LAMA3: variants seen among roughly 807,000 people sequenced by gnomAD.
The protein encoded by LAMA3 is laminin subunit alpha-3.
A neutral mutation model predicts 402.0 loss-of-function variants in LAMA3; 281 were observed. The ratio of observed to expected loss-of-function variants is 0.70; its 90% CI spans 0.63 to 0.77. LAMA3 has a LOEUF of 0.77. Among genes scored for constraint, LAMA3 ranks in the 30% least tolerant of loss-of-function variants. The pLI is 0.00. For synonymous variants in LAMA3, 1,431 were observed against 1,558.4 expected (o/e 0.92, Z 1.93); for missense variants, 3,840 against 4,215.5 (o/e 0.91, Z 2.47).
chr18:23,844,998 AT>A lies in LAMA3; in HGVS notation c.3604-8del. 1 of 1,447,834 alleles carries A rather than the reference AT, an allele frequency of 6.9e-7. No individual in the cohort carries two copies. Among genetic ancestry groups the A allele is most frequent in the Non-Finnish European group, 9.7e-7 (1 of 1,028,696 alleles). The allele number at this position is 1,447,834 out of a possible 1,614,324, so 89.7% of individuals were successfully genotyped here. On this transcript the variant is annotated splice_polypyrimidine_tract_variant and intron_variant, in intron 29 of 74. Coordinates refer to ENST00000313654, the MANE Select transcript of LAMA3 (RefSeq NM_198129.4). ...TGGAAATTCTAAGACATGCTGGTGG[AT>A]TTCTTTCAGGTCCGTGTTCTAGTGG...
At chr18:23,772,882 T>G (rs2062231976) in intron 8 of LAMA3, among the ~76,000 whole-genome samples, 4 of 152,256 alleles carry the variant, frequency 2.6e-5, no homozygotes, top group Admixed American at 2.6e-4. Flanking sequence ...AATTTAATTA[T>G]GTGGCAATTA....
chr18:23,775,614 G>A (rs1230271975), intron 9 of LAMA3, among the ~76,000 whole-genome samples, 178 bp from the exon 10 acceptor site: 6 of 152,152 alleles, frequency 3.9e-5, no homozygotes, highest in Admixed American at 3.9e-4. Flanking sequence ...GACAGCTCAC[G>A]AGCTTCGGGC....
chr18:23,830,882 C>G (rs990934558), intron 23 of LAMA3, among the ~76,000 whole-genome samples: 1 of 152,150 alleles, frequency 6.6e-6, no homozygotes, highest in African/African-American at 2.4e-5. Context: ...ACCAGCAAGT[C>G]TACCTTCCTT....
At chr18:23,780,978 A>C (rs755390385) in intron 11 of LAMA3, among the ~76,000 whole-genome samples, 1 of 152,352 alleles carries the variant, frequency 6.6e-6, no homozygotes, top group East Asian at 1.9e-4. Context: ...CTCCTTAGGA[A>C]GTTCTCAAAA....
chr18:23,884,458 C>T (rs2065005241), intron 40 of LAMA3, among the ~76,000 whole-genome samples: 1 of 152,104 alleles, frequency 6.6e-6, no homozygotes, highest in African/African-American at 2.4e-5. Flanking sequence ...CTTGTTATTC[C>T]TGGAAAAATG....
In LAMA3 at chr18:23,857,956, T is replaced by C. The variant is rs886178871; in HGVS notation, c.4249T>C (p.Cys1417Arg). The change falls in exon 33 of 75, where the codon TGT becomes CGT. Residue 1417 changes from cysteine (C) to arginine (R), a missense_variant. This residue lies in a region of LAMA3 where 2,109 missense variants were observed against 2,376.0 expected (regional missense o/e 0.89). Transcript: ENST00000313654. ...CAGAGATGGGACTGAGCCAGGAGTG[T>C]GTGACCCAGGGACCGGGGCTTGCCT... ...CNRDGTEPGVCDPGTGACLCK... is the reference protein window; with the variant it reads ...CNRDGTEPGVRDPGTGACLCK... 1 of 1,614,184 alleles carries C rather than the reference T, an allele frequency of 6.2e-7. No homozygotes were observed. The highest frequency in any genetic ancestry group is 8.5e-7 in the Non-Finnish European group (1 of 1,180,018).
intron 5 of LAMA3, among the ~76,000 whole-genome samples, chr18:23,752,626 CT>C (rs1393809244): frequency 6.6e-6 from 1 of 152,086 alleles, no homozygotes; most frequent in African/African-American, 2.4e-5. Context: ...AGGAAAGCCC[CT>C]GAGTGTTAAC....
intron 16 of LAMA3, 66 bp from the exon 17 acceptor site, chr18:23,815,402 C>T: frequency 6.8e-7 from 1 of 1,465,414 alleles, no homozygotes; most frequent in Non-Finnish European, 9.6e-7. Context: ...AGGCAGTTTT[C>T]AATCTTGAAG....
intron 23 of LAMA3, among the ~76,000 whole-genome samples, chr18:23,830,637 A>G (rs2063474161): frequency 6.6e-6 from 1 of 152,184 alleles, no homozygotes; most frequent in Non-Finnish European, 1.5e-5. Context: ...TTAAAAATTA[A>G]CGACAACCTG....
chr18:23,921,205 A>G lies in LAMA3; in HGVS notation c.8043+151A>G, dbSNP rs1458261118. The G allele has an allele frequency of 3.0e-6, 3 of 995,370 alleles. No individual in the cohort carries two copies. In the Admixed American group the frequency reaches 6.7e-5, roughly 22 times the overall value. 61.7% of individuals were successfully genotyped at this position (995,370 alleles called of 1,614,324 possible). ...GGATATATCCTTTTAAAATTTGCACATTTCGGCATGAAATGTATAACATAT... is the reference window on the plus strand; with the variant it reads ...GGATATATCCTTTTAAAATTTGCACGTTTCGGCATGAAATGTATAACATAT... On this transcript the variant is annotated intron_variant, in intron 61 of 74. Transcript: ENST00000313654.
rs536353034 is a variant in LAMA3, at chr18:23,912,611, G to A, written c.7159-100G>A. 13 of 958,860 alleles carry A rather than the reference G, an allele frequency of 1.4e-5. No homozygotes were observed. In the East Asian group the frequency reaches 3.1e-4, roughly 23 times the overall value. 59.4% of individuals were successfully genotyped at this position (958,860 alleles called of 1,614,324 possible). Reference sequence around the variant, plus strand: ...CTTGCTCCTTATCATAACAACTCAGGAAAGGCTGATACATGGCTACGAGTC... The same window carrying A: ...CTTGCTCCTTATCATAACAACTCAGAAAAGGCTGATACATGGCTACGAGTC... On this transcript the variant is annotated intron_variant, in intron 55 of 74. Transcript: ENST00000313654.
At position 23,758,387 on chromosome 18, in the gene LAMA3, C is replaced by A. The variant is rs375445287; in HGVS notation, c.948-9C>A. 8.7e-6 allele frequency: 14 copies of A among 1,609,652 alleles called. No individual in the cohort carries two copies. The highest frequency in any genetic ancestry group is 1.1e-5 in the Non-Finnish European group (13 of 1,176,282). On this transcript the variant is annotated splice_polypyrimidine_tract_variant and intron_variant, in intron 6 of 74. Transcript: ENST00000313654. ...CAATAACTGAGATGCACTTCGCCCA[C>A]ATGCCCAGGTTTCGGTGTGAATGCC...
At chr18:23,921,165 TGGATGTTAACTGAG>T (rs1348222572) in intron 61 of LAMA3, 111 bp downstream of exon 61, 15 of 1,255,608 alleles carry the variant, frequency 1.2e-5, no homozygotes, top group Non-Finnish European at 1.7e-5. Flanking sequence ...GATAAACTTA[TGGATGTTAACTGAG>T]GGATATATCC....
chr18:23,864,031 TG>T (rs908171888), intron 35 of LAMA3, among the ~76,000 whole-genome samples: 1 of 152,188 alleles, frequency 6.6e-6, no homozygotes, highest in Non-Finnish European at 1.5e-5. Context: ...GAATTGTTTT[TG>T]GAGAAAATTT....
At chr18:23,948,672 C>T (rs1244318696) in intron 70 of LAMA3, among the ~76,000 whole-genome samples, 2 of 151,726 alleles carry the variant, frequency 1.3e-5, no homozygotes, top group Non-Finnish European at 2.9e-5. Flanking sequence ...TGAGTTCAAA[C>T]GATTCTCCTG....
intron 1 of LAMA3, among the ~76,000 whole-genome samples, chr18:23,702,519 G>A (rs1241121698): frequency 1.3e-5 from 2 of 152,102 alleles, no homozygotes; most frequent in Non-Finnish European, 2.9e-5. Context: ...GGAGAAGGGG[G>A]TGTCACTTTG....
intron 1 of LAMA3, among the ~76,000 whole-genome samples, chr18:23,694,119 G>T (rs2060642489): frequency 6.6e-6 from 1 of 152,212 alleles, no homozygotes; most frequent in Non-Finnish European, 1.5e-5. Context: ...CATGTGCCCT[G>T]CCAGTTTCTC....
At chr18:23,706,780 A>G (rs2060897752) in intron 1 of LAMA3, among the ~76,000 whole-genome samples, 1 of 152,208 alleles carries the variant, frequency 6.6e-6, no homozygotes, top group African/African-American at 2.4e-5. Context: ...TTAGGGGCTT[A>G]AAACAACAAC....
At chr18:23,930,455 A>G (rs2082129415) in intron 64 of LAMA3, among the ~76,000 whole-genome samples, 2 of 152,210 alleles carry the variant, frequency 1.3e-5, no homozygotes, top group African/African-American at 4.8e-5. Flanking sequence ...AAATAAAAAT[A>G]GAAAAATTTA....
Sources: gnomAD v4.1 joint callset for allele counts (sites outside exome capture counted in the v4.1 genomes callset) on GRCh38, gnomAD v4.1.1 for gene constraint, gnomAD v4.1.1 regional missense constraint, MANE v1.5 for transcripts, NCBI Gene and HGNC (gene_info 2026-07-23, HGNC 2026-07-21) for gene names.